The following TRMT10B variants were observed in gnomAD, a reference collection of about 807,000 sequenced individuals.
TRMT10B encodes tRNA methyltransferase 10 homolog B.
A neutral mutation model predicts 43.8 loss-of-function variants in TRMT10B; 33 were observed. The ratio of observed to expected loss-of-function variants is 0.75; its 90% confidence interval spans 0.57 to 1.01. TRMT10B has a LOEUF of 1.01. TRMT10B is among the 50% of genes least tolerant of loss of function. The pLI is 0.00. For missense variants in TRMT10B, 362 were observed against 369.8 expected, an observed-to-expected ratio of 0.98 and a Z score of 0.17; for synonymous variants, 137 against 130.6, an observed-to-expected ratio of 1.05 and a Z score of -0.34.
chr9:37,756,827 TGC>T (rs1371715986), intron 1 of TRMT10B, among the ~76,000 whole-genome samples: 1 of 151,776 alleles, frequency 6.6e-6, no homozygotes, highest in African/African-American at 2.4e-5. Context: ...TATGTGTGTA[TGC>T]GTGTGTATGT....
intron 5 of TRMT10B, among the ~76,000 whole-genome samples, chr9:37,768,539 G>A (rs1221016053): frequency 6.6e-6 from 1 of 152,194 alleles, no homozygotes; most frequent in Non-Finnish European, 1.5e-5. Flanking sequence ...TGGGAAACAT[G>A]AGTTTTGGGG....
chr9:37,776,495 CTG>C lies in TRMT10B; in HGVS notation c.844+93_844+94del, dbSNP rs10608450. 5.0e-3 allele frequency: 7,180 copies of C among 1,449,078 alleles called. 343 individuals carry two copies. In the African/African-American group the frequency reaches 0.093, roughly 19 times the overall value. The allele number at this position is 1,449,078 out of a possible 1,614,324, so 89.8% of individuals were successfully genotyped here. A position where few individuals can be genotyped will look rare whatever the true frequency, so the allele number is the denominator to read the frequency against. ...TAAGTGGCCTTTGAGTCAGTCTCCT[CTG>C]TGACTAATGTGTGTGGACTTTATTG... On this transcript the variant is annotated intron_variant, in intron 8 of 8. Coordinates refer to ENST00000297994, the MANE Select transcript of TRMT10B (RefSeq NM_144964.4).
intron 8 of TRMT10B, 26 bp downstream of exon 8, chr9:37,776,431 G>C (rs747779311): frequency 1.9e-6 from 3 of 1,592,668 alleles, no homozygotes; most frequent in Non-Finnish European, 2.6e-6. Flanking sequence ...CCCCCATCCA[G>C]GGTGTGTGAG....
chr9:37,760,054 G>A (rs1353380249), intron 1 of TRMT10B, among the ~76,000 whole-genome samples: 1 of 152,084 alleles, frequency 6.6e-6, no homozygotes, highest in African/African-American at 2.4e-5. Flanking sequence ...GGCCAGGTGC[G>A]GTGGTTCACA....
At chr9:37,755,933 GGA>G (rs1189376444) in intron 1 of TRMT10B, among the ~76,000 whole-genome samples, 1 of 152,174 alleles carries the variant, frequency 6.6e-6, no homozygotes, top group Non-Finnish European at 1.5e-5. Context: ...CAGTTTGATA[GGA>G]GAGAAGATAC....
intron 1 of TRMT10B, among the ~76,000 whole-genome samples, chr9:37,757,117 TGTGTCACCCAGGTTGAA>T (rs1825816179): frequency 6.6e-6 from 1 of 152,184 alleles, no homozygotes; most frequent in Non-Finnish European, 1.5e-5. Flanking sequence ...CAGGGTTTGC[TGTGTCACCCAGGTTGAA>T]GTGCAATGGC....
At chr9:37,759,359 AAAGTC>A (rs1414127952) in intron 1 of TRMT10B, among the ~76,000 whole-genome samples, 2 of 152,238 alleles carry the variant, frequency 1.3e-5, no homozygotes, top group Admixed American at 6.5e-5. Context: ...TGAGGGGAAA[AAAGTC>A]AAGTGCTAAA....
At chr9:37,760,687 A>G (rs1826230918) in intron 1 of TRMT10B, among the ~76,000 whole-genome samples, 1 of 152,232 alleles carries the variant, frequency 6.6e-6, no homozygotes, top group African/African-American at 2.4e-5. Flanking sequence ...AAGGGTTGCC[A>G]CTAGAGGTGG....
At chr9:37,769,618 G>GGTT (rs1448660212) in intron 5 of TRMT10B, 18 of 178,824 alleles carry the variant, frequency 1.0e-4, no homozygotes, top group African/African-American at 4.0e-4. Flanking sequence ...TTTGAGCGGG[G>GGTT]TTTTTTTTTT....
upstream of TRMT10B, among the ~76,000 whole-genome samples, chr9:37,752,947 T>G (rs981229753): frequency 1.3e-5 from 2 of 152,112 alleles, no homozygotes; most frequent in African/African-American, 4.8e-5. Context: ...GCTTTGTTCT[T>G]TGTAATAAAT....
intron 5 of TRMT10B, chr9:37,769,618 GTT>G (rs796085877): frequency 2.5e-3 from 448 of 178,302 alleles, no homozygotes; most frequent in Middle Eastern, 7.1e-3. Flanking sequence ...TTTGAGCGGG[GTT>G]TTTTTTTTTT....
intron 7 of TRMT10B, 38 bp downstream of exon 7, chr9:37,770,777 A>G (rs1334966560): frequency 6.2e-7 from 1 of 1,604,364 alleles, no homozygotes; most frequent in Non-Finnish European, 8.5e-7. Flanking sequence ...TGTTTTAAAA[A>G]GCAGTGCTTA....
intron 3 of TRMT10B, among the ~76,000 whole-genome samples, chr9:37,763,143 C>CAAAAAAAAAAAAAAAAAAAAAAAAAA (rs747893643): frequency 2.0e-5 from 1 of 50,212 alleles, no homozygotes; most frequent in Non-Finnish European, 3.9e-5. Flanking sequence ...GACTCTGTCT[C>CAAAAAAAAAAAAAAAAAAAAAAAAAA]AAAAAAAAAA....
intron 8 of TRMT10B, among the ~76,000 whole-genome samples, chr9:37,777,194 C>CAAAAAAAAAAA (rs11306620): frequency 1.7e-4 from 5 of 29,984 alleles, no homozygotes; most frequent in African/African-American, 7.0e-4. Context: ...AACTCCGCCT[C>CAAAAAAAAAAA]AAAAAAAAAA....
intron 1 of TRMT10B, among the ~76,000 whole-genome samples, chr9:37,758,894 C>T (rs1290716142): frequency 1.3e-5 from 2 of 152,104 alleles, no homozygotes; most frequent in African/African-American, 4.8e-5. Flanking sequence ...ATACAGAGTA[C>T]GTCTGTGTCA....
rs779422197 is a variant in TRMT10B, at chr9:37,776,418, C to T, written c.844+13C>T. 1.6e-5 allele frequency: 25 copies of T among 1,600,202 alleles called. No individual in the cohort carries two copies. The highest frequency in any genetic ancestry group is 2.3e-5 in the South Asian group (2 of 88,374). Reference sequence around the variant, plus strand: ...GCCATCAATCAAGGTACTTCTTACACGGCCCCCATCCAGGGTGTGTGAGTT... The same window carrying T: ...GCCATCAATCAAGGTACTTCTTACATGGCCCCCATCCAGGGTGTGTGAGTT... On this transcript the variant is annotated intron_variant, in intron 8 of 8. Coordinates refer to ENST00000297994, the MANE Select transcript of TRMT10B (RefSeq NM_144964.4).
chr9:37,762,222 T>C lies in TRMT10B; in HGVS notation c.186+105T>C, dbSNP rs533877154. ...GTAGTGAAAAGAGAGACGGAATGAG[T>C]TTTGTGTATTCTGAGTGATGAATTT... On this transcript the variant is annotated intron_variant, in intron 2 of 8. Transcript: ENST00000297994. 8 of 1,259,274 alleles carry C rather than the reference T, an allele frequency of 6.4e-6. No individual in the cohort carries two copies. In the Admixed American group the frequency reaches 2.2e-4, roughly 35 times the overall value. 78.0% of individuals were successfully genotyped at this position (1,259,274 alleles called of 1,614,324 possible).
chr9:37,752,912 G>A (rs984541540), upstream of TRMT10B, among the ~76,000 whole-genome samples: 1 of 152,248 alleles, frequency 6.6e-6, no homozygotes, highest in South Asian at 2.1e-4. Context: ...GCAACCCGTT[G>A]GGGTTGCCTT....
At chr9:37,762,173 C>T (rs1452979127) in intron 2 of TRMT10B, 56 bp downstream of exon 2, 1 of 1,525,858 alleles carries the variant, frequency 6.6e-7, no homozygotes, top group Non-Finnish European at 8.9e-7. Flanking sequence ...TCTCAAGACA[C>T]CCCTGTTTTA....
Sources: allele counts gnomAD v4.1 joint callset (sites outside exome capture counted in the v4.1 genomes callset), GRCh38; gene constraint gnomAD v4.1.1; transcripts MANE v1.5; gene names NCBI Gene and HGNC (gene_info 2026-07-23, HGNC 2026-07-21).